RNF13: variants seen among roughly 807,000 people sequenced by gnomAD.
RNF13 encodes the protein E3 ubiquitin-protein ligase RNF13.
Under a neutral mutation model 37.7 loss-of-function variants are expected in RNF13, and 19 were observed. The ratio of observed to expected loss-of-function variants is 0.50; its 90% CI spans 0.35 to 0.74. The LOEUF is 0.74. Ranked by LOEUF, RNF13 falls within the 30% of genes least tolerant of loss-of-function variation. The pLI is 0.01. For missense variants in RNF13, 375 were observed against 453.0 expected (o/e 0.83, Z 1.56); for synonymous variants, 144 against 157.8 (o/e 0.91, Z 0.65).
At chr3:149,924,564 T>C (rs759687427) in intron 8 of RNF13, among the ~76,000 whole-genome samples, 7 of 152,200 alleles carry the variant, frequency 4.6e-5, no homozygotes, top group Non-Finnish European at 8.8e-5. Flanking sequence ...CAAGGAATGA[T>C]AACCTGTGTC....
intron 8 of RNF13, chr3:149,959,809 G>A (rs1398520318): frequency 5.8e-6 from 2 of 343,758 alleles, no homozygotes; most frequent in Non-Finnish European, 1.1e-5. Flanking sequence ...GTAATTATGA[G>A]TCTTACTAAA....
At chr3:149,829,694 A>G (rs1489623750) in intron 1 of RNF13, among the ~76,000 whole-genome samples, 1 of 152,192 alleles carries the variant, frequency 6.6e-6, no homozygotes, top group Non-Finnish European at 1.5e-5. Flanking sequence ...TTCTGATGTA[A>G]CACTTTTGCT....
chr3:149,946,557 T>C (rs936191647), intron 8 of RNF13, among the ~76,000 whole-genome samples: 12 of 152,242 alleles, frequency 7.9e-5, no homozygotes, highest in Admixed American at 2.6e-4. Flanking sequence ...GTAGGCTGTA[T>C]GTTTCTAGGA....
chr3:149,945,458 G>A (rs538753204), intron 8 of RNF13, among the ~76,000 whole-genome samples: 72 of 152,320 alleles, frequency 4.7e-4, no homozygotes, highest in South Asian at 1.2e-3. Flanking sequence ...GCTCAAGGAG[G>A]CCTGCCTGCC....
In RNF13 at chr3:149,960,141, G is replaced by A. The variant is rs1722241416; in HGVS notation, c.781+5G>A. 3 of 1,560,154 alleles carry A rather than the reference G, an allele frequency of 1.9e-6. No individual in the cohort carries two copies. The highest frequency in any genetic ancestry group is 2.7e-6 in the Non-Finnish European group (3 of 1,131,580). ...GAATCCTTCCCTGTTCCCATGGTAT[G>A]AGTAATTACGTACTGCTTTGAATTT... On this transcript the variant is annotated splice_donor_5th_base_variant and intron_variant, in intron 9 of 9. Transcript: ENST00000392894.
At chr3:149,882,712 C>A (rs956525184) in intron 4 of RNF13, among the ~76,000 whole-genome samples, 11 of 152,042 alleles carry the variant, frequency 7.2e-5, no homozygotes, top group Non-Finnish European at 1.6e-4. Context: ...TTTTTATTTT[C>A]AATTTGAGAC....
chr3:149,817,482 T>C (rs1453759251), intron 1 of RNF13, among the ~76,000 whole-genome samples: 2 of 152,202 alleles, frequency 1.3e-5, no homozygotes, highest in East Asian at 3.8e-4. Flanking sequence ...AATGCTGAAT[T>C]GTTGAACATT....
chr3:149,932,514 T>C (rs1469365356), intron 8 of RNF13, among the ~76,000 whole-genome samples: 1 of 152,190 alleles, frequency 6.6e-6, no homozygotes, highest in African/African-American at 2.4e-5. Flanking sequence ...ACTTCCAAGA[T>C]ACAACAGTGG....
chr3:149,902,945 A>G (rs535133448), intron 6 of RNF13, among the ~76,000 whole-genome samples: 22 of 152,142 alleles, frequency 1.4e-4, no homozygotes, highest in Non-Finnish European at 2.5e-4. Context: ...ACAACCCTCT[A>G]GTGGTTGTTA....
At chr3:149,904,531 T>G (rs1716197292) in intron 6 of RNF13, among the ~76,000 whole-genome samples, 1 of 152,090 alleles carries the variant, frequency 6.6e-6, no homozygotes, top group Middle Eastern at 3.2e-3. Flanking sequence ...ACAGGCGAAT[T>G]CTTTTTTTAA....
chr3:149,883,273 T>C (rs1713627239), intron 4 of RNF13, among the ~76,000 whole-genome samples: 1 of 152,118 alleles, frequency 6.6e-6, no homozygotes, highest in Admixed American at 6.5e-5. Context: ...TTTGTGCATT[T>C]CTGTGTTTCA....
At chr3:149,923,158 A>T (rs1382030491) in intron 8 of RNF13, among the ~76,000 whole-genome samples, 1 of 152,244 alleles carries the variant, frequency 6.6e-6, no homozygotes, top group Non-Finnish European at 1.5e-5. Context: ...TAAAGAAATG[A>T]ATAGACATTT....
intron 8 of RNF13, among the ~76,000 whole-genome samples, chr3:149,921,588 G>T (rs1718136492): frequency 6.6e-6 from 1 of 152,156 alleles, no homozygotes; most frequent in East Asian, 1.9e-4. Flanking sequence ...TGCTGAGAAT[G>T]ATGGTTTCTA....
At chr3:149,850,848 G>A (rs1213112709) in intron 2 of RNF13, among the ~76,000 whole-genome samples, 3 of 152,182 alleles carry the variant, frequency 2.0e-5, no homozygotes, top group Non-Finnish European at 4.4e-5. Flanking sequence ...GAGATTAAAC[G>A]ATAGATTGTG....
chr3:149,922,660 T>G (rs1053282958), intron 8 of RNF13, among the ~76,000 whole-genome samples: 2 of 152,194 alleles, frequency 1.3e-5, no homozygotes, highest in Admixed American at 6.5e-5. Flanking sequence ...CTGTTATATA[T>G]CATCACTTAT....
intron 4 of RNF13, among the ~76,000 whole-genome samples, chr3:149,891,513 A>G (rs1478438941): frequency 6.6e-6 from 1 of 152,212 alleles, no homozygotes; most frequent in Non-Finnish European, 1.5e-5. Flanking sequence ...TAACAAGCCA[A>G]CAGTTCCATT....
At chr3:149,939,363 C>T (rs1215868004) in intron 8 of RNF13, 18 of 470,648 alleles carry the variant, frequency 3.8e-5, no homozygotes, top group Non-Finnish European at 6.5e-5. Flanking sequence ...TTTTCTGCCA[C>T]CTCCGGGGGC....
rs78052857 is a variant in RNF13, at chr3:149,928,626, T to A, written c.700+7399T>A. On this transcript the variant is annotated intron_variant, in intron 8 of 9. Coordinates refer to ENST00000392894, the MANE Select transcript of RNF13 (RefSeq NM_183381.3). The stretch of plus-strand genomic sequence containing the variant: ...GTGAGTCTTCCACATTTGTTGTTGT[T>A]CTTCAGTATTTTAGCTATTCAGGGT... Among the ~76,000 whole-genome samples the A allele has an allele frequency of 6.1e-3, 931 of 152,320 alleles. 7 individuals carry two copies. The highest frequency in any genetic ancestry group is 0.01 in the Non-Finnish European group (683 of 68,024).
chr3:149,913,775 T>C (rs1403699186), intron 7 of RNF13, among the ~76,000 whole-genome samples: 2 of 152,198 alleles, frequency 1.3e-5, no homozygotes, highest in Non-Finnish European at 2.9e-5. Flanking sequence ...TCTCATCACA[T>C]CATATTTGAG....
Sources: gnomAD v4.1 joint callset for allele counts (sites outside exome capture counted in the v4.1 genomes callset) on GRCh38, gnomAD v4.1.1 for gene constraint, MANE v1.5 for transcripts, NCBI Gene and HGNC (gene_info 2026-07-23, HGNC 2026-07-21) for gene names.